Variants in CADPS observed in about 807,000 individuals in gnomAD.
The protein encoded by CADPS is calcium-dependent secretion activator 1.
CADPS carries 57 observed loss-of-function variants against 167.3 expected under a neutral mutation model. The ratio of observed to expected loss-of-function variants is 0.34; its 90% CI spans 0.28 to 0.42. The LOEUF (loss-of-function observed/expected upper bound fraction) is 0.42. Ranked by LOEUF, CADPS falls within the 20% of genes least tolerant of loss-of-function variation. The probability of loss-of-function intolerance (pLI) is 1.00; values close to 1 mark genes in which losing one functional copy is unlikely to be tolerated. For missense variants in CADPS, 1,414 were observed against 1,738.1 expected, an observed-to-expected ratio of 0.81 and a Z score of 3.32; for synonymous variants, 676 against 635.3, an observed-to-expected ratio of 1.06 and a Z score of -0.96.
intron 6 of CADPS, among the ~76,000 whole-genome samples, chr3:62,637,230 A>C (rs914712705): frequency 1.3e-5 from 2 of 152,116 alleles, no homozygotes; most frequent in Non-Finnish European, 2.9e-5. Context: ...CTTAATGGGG[A>C]GAAGCTACTT....
At chr3:62,585,381 G>C (rs2084373770) in intron 7 of CADPS, 57 bp from the exon 8 acceptor site, 7 of 1,551,896 alleles carry the variant, frequency 4.5e-6, no homozygotes, top group Non-Finnish European at 6.1e-6. Context: ...TGTTTTTATA[G>C]ATTAGAAACT....
chr3:62,682,632 G>T lies in CADPS; in HGVS notation c.889-20238C>A, dbSNP rs75422847. Among the ~76,000 whole-genome samples the T allele has an allele frequency of 1.2e-3, 180 of 152,158 alleles. 7 individuals are homozygous for T. In the East Asian group the frequency reaches 0.027, roughly 23 times the overall value. On this transcript the variant is annotated intron_variant, in intron 3 of 29. Coordinates refer to ENST00000383710, the MANE Select transcript of CADPS (RefSeq NM_003716.4). The stretch of plus-strand genomic sequence containing the variant: ...GCAAAATCCTTATTTAAGAGATCTG[G>T]ATCTCTGGAAAATAACCAGTTTCTA...
chr3:62,506,943 C>T (rs961935363), intron 17 of CADPS, among the ~76,000 whole-genome samples: 1 of 152,204 alleles, frequency 6.6e-6, no homozygotes, highest in Non-Finnish European at 1.5e-5. Flanking sequence ...ATTAAAGAAG[C>T]CTGTCAGCAG....
chr3:62,457,445 GT>G (rs893872597), intron 26 of CADPS, among the ~76,000 whole-genome samples: 1 of 152,156 alleles, frequency 6.6e-6, no homozygotes, highest in Non-Finnish European at 1.5e-5. Flanking sequence ...ATAAAGAGGT[GT>G]TTTAGAGACT....
intron 1 of CADPS, among the ~76,000 whole-genome samples, chr3:62,824,540 T>A (rs2072083401): frequency 6.6e-6 from 1 of 152,100 alleles, no homozygotes; most frequent in African/African-American, 2.4e-5. Flanking sequence ...GCACCAGAAA[T>A]TATTAAAATA....
At chr3:62,870,720 G>A (rs574075473) in intron 1 of CADPS, among the ~76,000 whole-genome samples, 22 of 152,130 alleles carry the variant, frequency 1.4e-4, no homozygotes, top group Admixed American at 9.8e-4. Flanking sequence ...TAAACTATTA[G>A]AATAATTCCT....
intron 26 of CADPS, among the ~76,000 whole-genome samples, chr3:62,461,865 AG>A (rs1450446483): frequency 6.6e-6 from 1 of 152,232 alleles, no homozygotes; most frequent in Non-Finnish European, 1.5e-5. Context: ...AGCTCCCAAA[AG>A]GGCCGAGAAC....
At chr3:62,787,820 GATA>G (rs1341204222) in intron 1 of CADPS, among the ~76,000 whole-genome samples, 1 of 152,136 alleles carries the variant, frequency 6.6e-6, no homozygotes, top group Non-Finnish European at 1.5e-5. Flanking sequence ...GATTAAATGA[GATA>G]ATATGTGATG....
chr3:62,827,548 T>C (rs1169204983), intron 1 of CADPS, among the ~76,000 whole-genome samples: 2 of 152,190 alleles, frequency 1.3e-5, no homozygotes, highest in African/African-American at 4.8e-5. Flanking sequence ...CTTTGGTCTC[T>C]AAATTCATAC....
chr3:62,625,858 A>T (rs1447349510), intron 6 of CADPS: 1 of 150,998 alleles, frequency 6.6e-6, no homozygotes, highest in East Asian at 1.9e-4. Context: ...CCAGAATGGA[A>T]TCTTTACTTT....
At chr3:62,594,967 T>C (rs1180580628) in intron 6 of CADPS, among the ~76,000 whole-genome samples, 2 of 152,204 alleles carry the variant, frequency 1.3e-5, no homozygotes, top group Non-Finnish European at 2.9e-5. Flanking sequence ...GTTGTTTTCA[T>C]GGATATTTTC....
intron 26 of CADPS, among the ~76,000 whole-genome samples, chr3:62,460,422 C>A (rs2059198666): frequency 6.6e-6 from 1 of 152,224 alleles, no homozygotes; most frequent in Non-Finnish European, 1.5e-5. Flanking sequence ...CTGTCTGCAT[C>A]ACTCATCATC....
At chr3:62,527,456 G>C (rs954322193) in intron 13 of CADPS, among the ~76,000 whole-genome samples, 1 of 151,906 alleles carries the variant, frequency 6.6e-6, no homozygotes, top group Admixed American at 6.6e-5. Context: ...TGCTGGGGGT[G>C]GGGGGTGGGG....
chr3:62,807,924 A>G (rs1364986562), intron 1 of CADPS, among the ~76,000 whole-genome samples: 3 of 151,166 alleles, frequency 2.0e-5, no homozygotes, highest in Non-Finnish European at 4.4e-5. Flanking sequence ...CCCAGGTTGG[A>G]GTGCAATGGT....
chr3:62,783,867 ATC>A (rs1453797423), intron 1 of CADPS, among the ~76,000 whole-genome samples: 1 of 64,224 alleles, frequency 1.6e-5, no homozygotes, highest in African/African-American at 7.6e-5. Flanking sequence ...GGTATTATTT[ATC>A]TGAGAGAAGG....
chr3:62,535,864 T>C (rs1257398497), intron 12 of CADPS, among the ~76,000 whole-genome samples: 2 of 151,930 alleles, frequency 1.3e-5, no homozygotes, highest in African/African-American at 2.4e-5. Context: ...GCTGGATAGA[T>C]AGCTGAATTT....
chr3:62,542,845 G>C (rs1195656182), intron 11 of CADPS, among the ~76,000 whole-genome samples: 1 of 152,120 alleles, frequency 6.6e-6, no homozygotes, highest in African/African-American at 2.4e-5. Context: ...CAGAGATTTT[G>C]TCAAAGATCT....
At chr3:62,579,716 T>C (rs1160617465) in intron 8 of CADPS, among the ~76,000 whole-genome samples, 2 of 152,164 alleles carry the variant, frequency 1.3e-5, no homozygotes, top group Non-Finnish European at 2.9e-5. Flanking sequence ...ACGTAGGGTC[T>C]TGTAGTCATG....
rs2059116567 is a variant in CADPS at position 62,597,608 on chromosome 3, C to A, written c.1326-4860G>T. On this transcript the variant is annotated intron_variant, in intron 6 of 29. Transcript: ENST00000383710. ...CAGGATGCCTGAACCCCTGCTGCTA[C>A]CCAAAGATGCTCAGCTCATAAGGCG... Among the ~76,000 whole-genome samples, 5 of 152,128 alleles carry A rather than the reference C, an allele frequency of 3.3e-5. No individual in the cohort carries two copies. In the South Asian group the frequency reaches 1.0e-3, roughly 32 times the overall value.
Sources: allele counts gnomAD v4.1 joint callset (sites outside exome capture counted in the v4.1 genomes callset), GRCh38; gene constraint gnomAD v4.1.1; transcripts MANE v1.5; gene names NCBI Gene and HGNC (gene_info 2026-07-23, HGNC 2026-07-21).